TCP11: variants seen among roughly 807,000 people sequenced by gnomAD.
The protein encoded by TCP11 is t-complex 11.
Under a neutral mutation model 45.0 loss-of-function variants are expected in TCP11, and 34 were observed. That is an observed-to-expected ratio of 0.76 (90% CI 0.57 to 1.01). The LOEUF is 1.01. TCP11 is among the 50% of genes least tolerant of loss of function. The pLI is 0.00. For missense variants in TCP11, 523 were observed against 598.1 expected (o/e 0.87, Z 1.31); for synonymous variants, 227 against 227.0 (o/e 1.00, Z 0.00).
At position 35,129,107 on chromosome 6, in the gene TCP11, G is replaced by C. The variant is rs542645530; in HGVS notation, c.312C>G (p.Pro104=). ...GTTCAAGAGCACAGCTGAAGTCAGG[G>C]GGAGTTGCTGATAGTTGCTCTTTAA... ...DHLKEQLSAT[P]PDFSCALELL... is the part of the protein sequence containing the mutation. The change falls in exon 4 of 10, where the codon CCC becomes CCG. Residue 104 remains proline (P), a synonymous_variant. Transcript: ENST00000311875. 2.5e-6 allele frequency: 4 copies of C among 1,614,140 alleles called. No homozygotes were observed. The highest frequency in any genetic ancestry group is 3.4e-6 in the Non-Finnish European group (4 of 1,179,998).
intron 9 of TCP11, 51 bp from the exon 10 acceptor site, chr6:35,118,552 G>T: frequency 6.5e-7 from 1 of 1,540,158 alleles, no homozygotes; most frequent in African/African-American, 1.4e-5. Context: ...AGATTTCAGG[G>T]AGAAAATTCC....
intron 3 of TCP11, among the ~76,000 whole-genome samples, chr6:35,131,998 A>C (rs1780505244): frequency 6.6e-6 from 1 of 152,218 alleles, no homozygotes; most frequent in African/African-American, 2.4e-5. Context: ...TTCACTCTAA[A>C]AACAATGCTG....
At chr6:35,124,947 C>T (rs916237430) in intron 4 of TCP11, among the ~76,000 whole-genome samples, 2 of 151,182 alleles carry the variant, frequency 1.3e-5, no homozygotes, top group African/African-American at 2.4e-5. Flanking sequence ...TTTGGGAGGT[C>T]GAGGCAGGCG....
intron 3 of TCP11, among the ~76,000 whole-genome samples, chr6:35,135,155 A>C (rs1233311372): frequency 1.3e-5 from 2 of 152,024 alleles, no homozygotes; most frequent in African/African-American, 2.4e-5. Flanking sequence ...CTCAAAAAAA[A>C]AAAAAAAAGA....
In TCP11 at chr6:35,120,874, C is replaced by A. The variant is rs1211161281; in HGVS notation, c.715+35G>T. 1.3e-6 allele frequency: 2 copies of A among 1,589,652 alleles called. No individual in the cohort carries two copies. Among genetic ancestry groups the A allele is most frequent in the Admixed American group, 1.8e-5 (1 of 56,536 alleles). ...TATAAAAGTCAGACCCAAGGTAATA[C>A]CTTTCCCACTCCTGCCCTCACATTA... On this transcript the variant is annotated intron_variant, in intron 6 of 9. Transcript: ENST00000311875. This position sits in a 1 kb window ranked among gnomAD's most constrained non-coding sequence, Gnocchi z 4.9.
At chr6:35,138,997 G>A (rs1264100967) in intron 2 of TCP11, among the ~76,000 whole-genome samples, 1 of 152,166 alleles carries the variant, frequency 6.6e-6, no homozygotes, top group Admixed American at 6.5e-5. Flanking sequence ...AGACCAGCCT[G>A]GCCGACATGG....
At position 35,119,125 on chromosome 6, in the gene TCP11, T is replaced by C. The variant is rs1359416906; in HGVS notation, c.1279+103A>G. 26 of 1,433,162 alleles carry C rather than the reference T, an allele frequency of 1.8e-5. No homozygotes were observed. In the South Asian group the frequency reaches 2.9e-4, roughly 16 times the overall value. The allele number at this position is 1,433,162 out of a possible 1,614,324, so 88.8% of individuals were successfully genotyped here. A position where few individuals can be genotyped will look rare whatever the true frequency, so the allele number is the denominator to read the frequency against. On this transcript the variant is annotated intron_variant, in intron 9 of 9. Coordinates refer to ENST00000311875, the MANE Select transcript of TCP11 (RefSeq NM_001370687.1). ...TTTGAAAAAAATCAAGGCTAAACAA[T>C]GACGTACCTAATGACCATGCTTCAT...
chr6:35,118,274 C>T lies in TCP11; in HGVS notation c.1507G>A (p.Val503Ile). 1 of 1,614,100 alleles carries T rather than the reference C, an allele frequency of 6.2e-7. No individual in the cohort carries two copies. The highest frequency in any genetic ancestry group is 8.5e-7 in the Non-Finnish European group (1 of 1,179,956). ...AQALETKVES[V>I] ...AGGGCTCTGAGCCGACGCTATCAAA[C>T]AGACTCCACTTTTGTTTCCAGTGCC... Residue 503 changes from valine (V) to isoleucine (I), a missense_variant, in exon 10 of 10, where the codon GTT (valine) becomes ATT (isoleucine). By Grantham distance (29) the Val-to-Ile change is conservative. This residue lies in a region of TCP11 where 298 missense variants were observed against 387.9 expected (regional missense o/e 0.77). Coordinates refer to ENST00000311875, the MANE Select transcript of TCP11 (RefSeq NM_001370687.1).
At chr6:35,125,904 A>C (rs181606194) in intron 4 of TCP11, among the ~76,000 whole-genome samples, 9 of 152,262 alleles carry the variant, frequency 5.9e-5, no homozygotes, top group Admixed American at 2.0e-4. Flanking sequence ...AAACAAGTCC[A>C]AAACTAAAAG....
At chr6:35,122,370 T>C in intron 4 of TCP11, 33 bp from the exon 5 acceptor site, 1 of 1,599,722 alleles carries the variant, frequency 6.3e-7, no homozygotes, top group Admixed American at 1.7e-5. Context: ...GGAGTTGATC[T>C]GTTTAGATCC....
chr6:35,139,995 C>CA (rs762234129), intron 2 of TCP11: 7 of 1,612,840 alleles, frequency 4.3e-6, no homozygotes, highest in East Asian at 2.2e-5. Context: ...ATTGTGTGTA[C>CA]AAAAAAACGG....
Position 35,124,896 on chromosome 6 carries a change from T to A in TCP11, c.358-2559A>T, listed in dbSNP as rs918298827. The stretch of plus-strand genomic sequence containing the variant: ...TATAATAAAAAATATATATATATAT[T>A]AATTCAAAATGGTAGTGGCTCACGT... On this transcript the variant is annotated intron_variant, in intron 4 of 9. Transcript: ENST00000311875. Among the ~76,000 whole-genome samples the A allele has an allele frequency of 3.3e-5, 5 of 151,282 alleles. No individual in the cohort carries two copies. In the South Asian group the frequency reaches 6.2e-4, roughly 19 times the overall value.
At position 35,122,105 on chromosome 6, in the gene TCP11, C is replaced by T; in HGVS notation, c.578+12G>A. 1 of 1,614,044 alleles carries T rather than the reference C, an allele frequency of 6.2e-7. No homozygotes were observed. The highest frequency in any genetic ancestry group is 8.5e-7 in the Non-Finnish European group (1 of 1,179,910). ...TAAAGCAGGTTTTTGGGGGCAGTAT[C>T]AAGTTTCATACCTCAGTAGCCAAAC... On this transcript the variant is annotated intron_variant, in intron 5 of 9. Transcript: ENST00000311875.
At chr6:35,141,139 C>T in intron 1 of TCP11, 66 bp downstream of exon 1, 2 of 1,314,406 alleles carry the variant, frequency 1.5e-6, no homozygotes, top group Non-Finnish European at 9.7e-7. Flanking sequence ...CCCCTTCCTT[C>T]GCGGCGAGGT....
chr6:35,135,102 G>A (rs963250754), intron 3 of TCP11, among the ~76,000 whole-genome samples: 8 of 150,750 alleles, frequency 5.3e-5, no homozygotes, highest in East Asian at 2.0e-4. Flanking sequence ...AGCCGAGATC[G>A]CGCCATTGCA....
Position 35,122,127 on chromosome 6 carries a change from A to G in TCP11, c.568T>C (p.Trp190Arg), listed in dbSNP as rs1465184197. 6.2e-7 allele frequency: 1 copy of G among 1,614,198 alleles called. No individual in the cohort carries two copies. Among genetic ancestry groups the G allele is most frequent in the South Asian group, 1.1e-5 (1 of 91,084 alleles). The stretch of plus-strand genomic sequence containing the variant: ...TATCAAGTTTCATACCTCAGTAGCC[A>G]AACAGGATCCGTAATGTTTTCTAGT... ...QKLENITDPV[W>R]LLRGIFQVLG... The change falls in exon 5 of 10, where the codon TGG (tryptophan) becomes CGG (arginine). Residue 190 changes from tryptophan to arginine, a missense_variant. Trp to Arg is a moderately radical substitution (Grantham distance 101). Coordinates refer to ENST00000311875, the MANE Select transcript of TCP11 (RefSeq NM_001370687.1).
intron 4 of TCP11, among the ~76,000 whole-genome samples, chr6:35,127,820 G>T (rs923029641): frequency 6.6e-6 from 1 of 152,162 alleles, no homozygotes; most frequent in African/African-American, 2.4e-5. Flanking sequence ...GTTCTTTTCA[G>T]GAATTCAAAT....
intron 9 of TCP11, 64 bp downstream of exon 9, chr6:35,119,164 G>A: frequency 6.3e-7 from 1 of 1,581,780 alleles, no homozygotes. Flanking sequence ...GTTAAAGGTT[G>A]GGGTTCCACG....
At chr6:35,132,896 G>A (rs1312810763) in intron 3 of TCP11, among the ~76,000 whole-genome samples, 1 of 152,164 alleles carries the variant, frequency 6.6e-6, no homozygotes, top group East Asian at 1.9e-4. Context: ...TAAACAGTGA[G>A]AGAGAAGCTG....
Sources: allele counts gnomAD v4.1 joint callset (sites outside exome capture counted in the v4.1 genomes callset), GRCh38; gene constraint gnomAD v4.1.1; regional missense constraint gnomAD v4.1.1; non-coding constraint Gnocchi (gnomAD v3.1); transcripts MANE v1.5; gene names NCBI Gene and HGNC (gene_info 2026-07-23, HGNC 2026-07-21).